USP15: variants seen among roughly 807,000 people sequenced by gnomAD.
The protein encoded by USP15 is ubiquitin specific peptidase 15.
USP15 carries 18 observed loss-of-function variants against 127.1 expected under a neutral mutation model. The ratio of observed to expected loss-of-function variants is 0.14; its 90% CI spans 0.10 to 0.21. USP15 has a LOEUF of 0.21. Among genes scored for constraint, USP15 ranks in the 10% least tolerant of loss-of-function variants. The pLI, the probability that USP15 is intolerant of heterozygous loss-of-function variation, is 1.00. For missense variants in USP15, 805 were observed against 1,159.9 expected (o/e 0.69, Z 4.44); for synonymous variants, 364 against 393.7 (o/e 0.92, Z 0.89).
At chr12:62,291,665 C>T (rs926382814) in intron 1 of USP15, among the ~76,000 whole-genome samples, 3 of 152,126 alleles carry the variant, frequency 2.0e-5, no homozygotes, top group Non-Finnish European at 4.4e-5. Context: ...TTTGTTTGAA[C>T]GAGACTGTTT....
chr12:62,403,550 C>T (rs2067762791), intron 21 of USP15, among the ~76,000 whole-genome samples: 1 of 151,992 alleles, frequency 6.6e-6, no homozygotes, highest in Non-Finnish European at 1.5e-5. Flanking sequence ...AGCTAGATTA[C>T]TTTGAGTTGA....
At chr12:62,392,479 T>G in intron 18 of USP15, 92 bp downstream of exon 18, 4 of 882,110 alleles carry the variant, frequency 4.5e-6, no homozygotes, top group Non-Finnish European at 6.8e-6. Context: ...AATTACTAAA[T>G]TCTCTTTGAT....
intron 7 of USP15, among the ~76,000 whole-genome samples, chr12:62,353,555 C>T (rs1373237843): frequency 2.0e-5 from 3 of 151,990 alleles, no homozygotes; most frequent in Non-Finnish European, 4.4e-5. Flanking sequence ...TATGATTTTA[C>T]AGCCAGAAGT....
intron 8 of USP15, among the ~76,000 whole-genome samples, chr12:62,367,270 C>G (rs751792027): frequency 6.6e-6 from 1 of 151,856 alleles, no homozygotes; most frequent in Non-Finnish European, 1.5e-5. Flanking sequence ...CTCACTCTGT[C>G]GCCCAGGCTG....
chr12:62,320,749 TAA>T (rs1198775094), intron 4 of USP15, among the ~76,000 whole-genome samples: 2 of 152,066 alleles, frequency 1.3e-5, no homozygotes, highest in African/African-American at 4.8e-5. Flanking sequence ...CGTATATTAT[TAA>T]GTTTAATATT....
At position 62,261,952 on chromosome 12, in the gene USP15, ATTG is replaced by A. The variant is rs1311067666; in HGVS notation, c.89+1453_89+1455del. 2.6e-5 allele frequency among the ~76,000 whole-genome samples: 4 copies of A among 152,272 alleles called. No homozygotes were observed. The East Asian group carries it at 5.8e-4, about 22-fold the overall frequency. ...ATCTTCAAGTGACTTAATAATAGTT[ATTG>A]TTGGCCTGGCAGGGTGGTTCACGCC... On this transcript the variant is annotated intron_variant, in intron 1 of 21. Coordinates refer to ENST00000280377, the MANE Select transcript of USP15 (RefSeq NM_001252078.2).
chr12:62,268,659 G>C (rs2063259904), intron 1 of USP15, among the ~76,000 whole-genome samples: 1 of 152,050 alleles, frequency 6.6e-6, no homozygotes, highest in Admixed American at 6.6e-5. Flanking sequence ...CTAGTTCAAA[G>C]TCAGTCTCTA....
intron 6 of USP15, among the ~76,000 whole-genome samples, chr12:62,348,243 AT>A (rs2065874443): frequency 6.6e-6 from 1 of 152,250 alleles, no homozygotes; most frequent in East Asian, 1.9e-4. Context: ...TAAAATGTAC[AT>A]TTTTTTATAT....
intron 6 of USP15, among the ~76,000 whole-genome samples, chr12:62,327,073 T>C (rs1406053879): frequency 6.6e-6 from 1 of 152,112 alleles, no homozygotes; most frequent in East Asian, 1.9e-4. Context: ...GAGGTTGCAG[T>C]GAGCTGAGAT....
intron 2 of USP15, among the ~76,000 whole-genome samples, chr12:62,297,357 T>C (rs571448564): frequency 6.6e-6 from 1 of 152,208 alleles, no homozygotes; most frequent in East Asian, 1.9e-4. Context: ...GACTGACTTC[T>C]GTCTTACCTT....
Position 62,384,322 on chromosome 12 carries a change from G to GTTTTTTTT in USP15, c.1473+24_1473+25insTTTTTTTT. ...ATGCAGGTAAATCATGGGTTGGTTT[G>GTTTTTTTT]TTTTGTTTTTTTTTTTTTTTTTTTG... On this transcript the variant is annotated intron_variant, in intron 11 of 21. Transcript: ENST00000280377. 1 of 918,916 alleles carries GTTTTTTTT rather than the reference G, an allele frequency of 1.1e-6. No individual in the cohort carries two copies. The highest frequency in any genetic ancestry group is 1.4e-6 in the Non-Finnish European group (1 of 725,148). The allele number at this position is 918,916 out of a possible 1,614,324, so 56.9% of individuals were successfully genotyped here.
At position 62,270,929 on chromosome 12, in the gene USP15, C is replaced by G. The variant is rs570741763; in HGVS notation, c.89+10426C>G. ...GCCTGTCTTCTTACCTTCTCTCATT[C>G]GAAATCTACCCCATCTCTTTATTTC... On this transcript the variant is annotated intron_variant, in intron 1 of 21. Coordinates refer to ENST00000280377, the MANE Select transcript of USP15 (RefSeq NM_001252078.2). 4.8e-4 allele frequency among the ~76,000 whole-genome samples: 73 copies of G among 152,070 alleles called. 4 individuals are homozygous for G. In the South Asian group the frequency reaches 0.014, roughly 30 times the overall value.
intron 8 of USP15, among the ~76,000 whole-genome samples, chr12:62,367,381 G>A (rs541231148): frequency 8.6e-5 from 13 of 152,046 alleles, no homozygotes; most frequent in South Asian, 2.1e-4. Flanking sequence ...CCAGGCGCCC[G>A]CCACCACACC....
chr12:62,315,117 T>C (rs1031285907), intron 4 of USP15: 1 of 431,400 alleles, frequency 2.3e-6, no homozygotes, highest in African/African-American at 2.0e-5. Context: ...AATTTTAACA[T>C]TTGTGCTGTT....
Position 62,409,889 on chromosome 12 carries a change from A to T in USP15, c.*5514A>T, listed in dbSNP as rs2067996061. ...ACATATCAAGCACAAGTCTCTCATT[A>T]AAATTTTTTTTTAATAGTATTTGCT... On this transcript the variant is annotated 3_prime_UTR_variant, in exon 22 of 22. Coordinates refer to ENST00000280377, the MANE Select transcript of USP15 (RefSeq NM_001252078.2). The T allele has an allele frequency of 6.6e-6, 1 of 151,928 alleles. No individual in the cohort carries two copies. Among genetic ancestry groups the T allele is most frequent in the South Asian group, 2.1e-4 (1 of 4,830 alleles). 9.4% of individuals were successfully genotyped at this position (151,928 alleles called of 1,614,324 possible).
Position 62,408,400 on chromosome 12 carries a change from T to C in USP15, c.*4025T>C, listed in dbSNP as rs1315838781. On this transcript the variant is annotated 3_prime_UTR_variant, in exon 22 of 22. Coordinates refer to ENST00000280377, the MANE Select transcript of USP15 (RefSeq NM_001252078.2). ...GAGCTCACCGCTTTAATTTTTAAGA[T>C]AGAAATGTGGAAAACTCTTGAATCA... is the stretch of plus-strand genomic sequence containing the variant. The C allele has an allele frequency of 1.3e-5, 2 of 151,798 alleles. No homozygotes were observed. The highest frequency in any genetic ancestry group is 1.9e-4 in the East Asian group (1 of 5,178). The allele number at this position is 151,798 out of a possible 1,614,324, so 9.4% of individuals were successfully genotyped here.
chr12:62,261,578 G>A (rs1332601276), intron 1 of USP15, among the ~76,000 whole-genome samples: 1 of 152,166 alleles, frequency 6.6e-6, no homozygotes, highest in Non-Finnish European at 1.5e-5. Context: ...TGGCTTTGAG[G>A]AGAGTTAATT....
chr12:62,361,111 C>G (rs180753768), intron 8 of USP15, among the ~76,000 whole-genome samples: 3 of 152,008 alleles, frequency 2.0e-5, no homozygotes, highest in African/African-American at 7.2e-5. Context: ...CCTACGTTCT[C>G]AGACAGATTA....
rs539157932 is a variant in USP15, at chr12:62,329,242, A to G, written c.683+3309A>G. 2.6e-5 allele frequency among the ~76,000 whole-genome samples: 4 copies of G among 152,248 alleles called. No individual in the cohort carries two copies. The East Asian group carries it at 5.8e-4, about 22-fold the overall frequency. On this transcript the variant is annotated intron_variant, in intron 6 of 21. Transcript: ENST00000280377. ...CAAAAATTAGCTGGTATGGTGGTGGACACCTGTAGTCCCAGCTACTCGGGA... is the reference window on the plus strand; with the variant it reads ...CAAAAATTAGCTGGTATGGTGGTGGGCACCTGTAGTCCCAGCTACTCGGGA...
Sources: allele counts gnomAD v4.1 joint callset (sites outside exome capture counted in the v4.1 genomes callset), GRCh38; gene constraint gnomAD v4.1.1; transcripts MANE v1.5; gene names NCBI Gene and HGNC (gene_info 2026-07-23, HGNC 2026-07-21).